Variants in CAPN9 observed in about 807,000 individuals in gnomAD.
The protein encoded by CAPN9 is calpain-9.
CAPN9 carries 81 observed loss-of-function variants against 92.8 expected under a neutral mutation model. The observed-to-expected ratio is 0.87, with a 90% CI of 0.73 to 1.05. The LOEUF is 1.05. Among genes scored for constraint, CAPN9 ranks in the 50% least tolerant of loss-of-function variants. CAPN9 has a pLI of 0.00. For synonymous variants in CAPN9, 304 were observed against 328.0 expected (o/e 0.93, Z 0.79); for missense variants, 848 against 866.2 (o/e 0.98, Z 0.26).
In CAPN9 at chr1:230,751,645, AAG is replaced by A. The variant is rs1237952458; in HGVS notation, c.214-3690_214-3689del. Among the ~76,000 whole-genome samples the A allele has an allele frequency of 2.2e-3, 211 of 95,170 alleles. 9 individuals carry two copies. The highest frequency in any genetic ancestry group is 9.3e-3 in the South Asian group (30 of 3,224). The allele number at this position is 95,170 out of a possible 152,430, so 62.4% of individuals were successfully genotyped here. ...AAAGAAAGAAAGAAAGAAAGAAAGA[AAG>A]AAAGAAAGAAAGAAAGAAAGAAAGA... On this transcript the variant is annotated intron_variant, in intron 1 of 19. Transcript: ENST00000271971.
intron 19 of CAPN9, among the ~76,000 whole-genome samples, chr1:230,798,452 G>C (rs28359739): frequency 2.6e-5 from 4 of 152,328 alleles, no homozygotes; most frequent in Middle Eastern, 3.4e-3. Flanking sequence ...TTGCAGGGTG[G>C]AAACTGAGGC....
chr1:230,781,770 T>C (rs1036514171), intron 11 of CAPN9, among the ~76,000 whole-genome samples: 2 of 152,242 alleles, frequency 1.3e-5, no homozygotes, highest in African/African-American at 4.8e-5. Flanking sequence ...TGTGAATACA[T>C]GACTCACTCT....
At chr1:230,768,974 C>T (rs1666197996) in intron 5 of CAPN9, among the ~76,000 whole-genome samples, 2 of 152,242 alleles carry the variant, frequency 1.3e-5, no homozygotes, top group Admixed American at 6.5e-5. Flanking sequence ...GAGCGCCTCC[C>T]CATCCTGGGA....
chr1:230,771,996 C>T lies in CAPN9; in HGVS notation c.790-18C>T. On this transcript the variant is annotated intron_variant, in intron 6 of 19. Transcript: ENST00000271971. Reference sequence around the variant, plus strand: ...CATATTTATCATTTCACACTTCCCTCATGCTTTTCCCTTCTAGGTAAGCTT... The same window carrying T: ...CATATTTATCATTTCACACTTCCCTTATGCTTTTCCCTTCTAGGTAAGCTT... The T allele has an allele frequency of 1.2e-6, 2 of 1,608,898 alleles. No homozygotes were observed. Among genetic ancestry groups the T allele is most frequent in the African/African-American group, 2.7e-5 (2 of 74,976 alleles).
intron 7 of CAPN9, among the ~76,000 whole-genome samples, chr1:230,773,403 A>G (rs924927204): frequency 2.0e-5 from 3 of 152,208 alleles, no homozygotes; most frequent in African/African-American, 7.2e-5. Flanking sequence ...TAAGATGTGC[A>G]GTGCCCCTCA....
chr1:230,790,388 A>AT, intron 14 of CAPN9, 199 bp downstream of exon 14: 1 of 873,406 alleles, frequency 1.1e-6, no homozygotes, highest in Non-Finnish European at 1.4e-6. Flanking sequence ...ATTCTTAAAA[A>AT]TGCAGAAAAG....
chr1:230,762,694 C>G lies in CAPN9; in HGVS notation c.444C>G (p.Asp148Glu). ...AGTGGCTGGACGTGGTGATCGATGA[C>G]CGCCTGCCCACCTTCAGGGACCGCT... ...HSEWLDVVID[D>E]RLPTFRDRLV... is the part of the protein sequence containing the mutation. Residue 148 changes from aspartate (D) to glutamate (E), a missense_variant, in exon 4 of 20, where the codon GAC becomes GAG. Physicochemically the swap from Asp to Glu is conservative, Grantham distance 45 (BLOSUM62 2). Coordinates refer to ENST00000271971, the MANE Select transcript of CAPN9 (RefSeq NM_006615.3). 2 of 1,614,168 alleles carry G rather than the reference C, an allele frequency of 1.2e-6. No individual in the cohort carries two copies. Among genetic ancestry groups the G allele is most frequent in the South Asian group, 2.2e-5 (2 of 91,078 alleles).
intron 7 of CAPN9, 141 bp downstream of exon 7, chr1:230,772,240 C>A: frequency 1.5e-6 from 1 of 673,512 alleles, no homozygotes; most frequent in East Asian, 2.7e-5. Flanking sequence ...TCTGAGGTGC[C>A]CCTTCTTCCT....
At chr1:230,749,700 T>C (rs1313341569) in intron 1 of CAPN9, among the ~76,000 whole-genome samples, 4 of 152,160 alleles carry the variant, frequency 2.6e-5, no homozygotes, top group Non-Finnish European at 5.9e-5. Context: ...CTTTTTCTCT[T>C]CCTTAAAATG....
intron 7 of CAPN9, among the ~76,000 whole-genome samples, chr1:230,773,221 G>A (rs572053152): frequency 7.9e-5 from 12 of 152,164 alleles, no homozygotes; most frequent in Non-Finnish European, 1.6e-4. Context: ...GGAGGCTCTC[G>A]TCCCACCATC....
In CAPN9 at chr1:230,759,586, G is replaced by A. The variant is rs1346309907; in HGVS notation, c.358G>A (p.Asp120Asn). Residue 120 changes from aspartate to asparagine, a missense_variant, in exon 3 of 20, where the codon GAC becomes AAC. Coordinates refer to ENST00000271971, the MANE Select transcript of CAPN9 (RefSeq NM_006615.3). ...AGCACTGGCCAGAGTCATCCCCCAG[G>A]ACCAAAGCTTTGGCCCTGGTTATGC... ...QKALARVIPQDQSFGPGYAGI... is the reference protein window; with the variant it reads ...QKALARVIPQNQSFGPGYAGI... 6.2e-7 allele frequency: 1 copy of A among 1,609,704 alleles called. No individual in the cohort carries two copies. Among genetic ancestry groups the A allele is most frequent in the Non-Finnish European group, 8.5e-7 (1 of 1,178,480 alleles).
At chr1:230,773,048 GA>G (rs984260996) in intron 7 of CAPN9, among the ~76,000 whole-genome samples, 20 of 152,192 alleles carry the variant, frequency 1.3e-4, no homozygotes, top group African/African-American at 4.8e-4. Context: ...GGGGAAATCT[GA>G]AGCTAGTCTA....
Position 230,800,233 on chromosome 1 carries a change from AG to A in CAPN9, c.2047-1336del, listed in dbSNP as rs57569865. Among the ~76,000 whole-genome samples the A allele has an allele frequency of 5.3e-3, 167 of 31,334 alleles. 10 individuals are homozygous for A. Among genetic ancestry groups the A allele is most frequent in the African/African-American group, 0.02 (142 of 7,002 alleles). The allele number at this position is 31,334 out of a possible 152,430, so 20.6% of individuals were successfully genotyped here. On this transcript the variant is annotated intron_variant, in intron 19 of 19. Coordinates refer to ENST00000271971, the MANE Select transcript of CAPN9 (RefSeq NM_006615.3). ...AAGAAAGAAAAATAAGAAAGAAAGA[AG>A]AAAGAAAGAAAGAAAGAAAGAAAGA... is the stretch of plus-strand genomic sequence containing the variant.
At chr1:230,757,006 GAGGATGGA>G (rs1348244817) in intron 2 of CAPN9, among the ~76,000 whole-genome samples, 1 of 119,284 alleles carries the variant, frequency 8.4e-6, no homozygotes, top group South Asian at 2.8e-4. Flanking sequence ...GGGAGGGAGG[GAGGATGGA>G]AGGAAGGAAG....
intron 3 of CAPN9, among the ~76,000 whole-genome samples, chr1:230,761,384 C>T (rs1486015812): frequency 2.0e-5 from 3 of 152,268 alleles, no homozygotes; most frequent in African/African-American, 7.2e-5. Flanking sequence ...AAAGCCAGCC[C>T]TGAGGCTCCT....
intron 8 of CAPN9, chr1:230,776,969 G>A (rs1055827073): frequency 3.9e-5 from 6 of 152,176 alleles, no homozygotes; most frequent in African/African-American, 1.2e-4. Flanking sequence ...AACACATGCA[G>A]GGTGCTTGAG....
chr1:230,800,108 G>T (rs565959356), intron 19 of CAPN9, among the ~76,000 whole-genome samples: 5 of 151,190 alleles, frequency 3.3e-5, no homozygotes, highest in Non-Finnish European at 7.4e-5. Context: ...AACCCGGGAG[G>T]TGGAGCTTAC....
intron 17 of CAPN9, among the ~76,000 whole-genome samples, chr1:230,794,696 G>T (rs191332913): frequency 6.6e-6 from 1 of 152,194 alleles, no homozygotes; most frequent in East Asian, 1.9e-4. Flanking sequence ...CATTCTCCGT[G>T]GGCAGCAGCA....
chr1:230,790,057 A>G (rs1667873815), intron 13 of CAPN9, 75 bp from the exon 14 acceptor site: 3 of 1,302,502 alleles, frequency 2.3e-6, no homozygotes, highest in Admixed American at 1.8e-5. Context: ...GAAGCTCAGA[A>G]CTGATTTAAA....
Sources: gnomAD v4.1 joint callset for allele counts (sites outside exome capture counted in the v4.1 genomes callset) on GRCh38, gnomAD v4.1.1 for gene constraint, MANE v1.5 for transcripts, NCBI Gene and HGNC (gene_info 2026-07-23, HGNC 2026-07-21) for gene names.